SSBP2: variants seen among roughly 807,000 people sequenced by gnomAD.
SSBP2 encodes the protein single stranded DNA binding protein 2.
Under a neutral mutation model 61.8 loss-of-function variants are expected in SSBP2, and 17 were observed. That is an observed-to-expected ratio of 0.28 (90% CI 0.19 to 0.41). The LOEUF is 0.41. SSBP2 is among the 10% of genes least tolerant of loss of function. The pLI is 1.00. For synonymous variants in SSBP2, 139 were observed against 141.3 expected (o/e 0.98, Z 0.12); for missense variants, 310 against 458.7 (o/e 0.68, Z 2.96).
intron 1 of SSBP2, among the ~76,000 whole-genome samples, chr5:81,650,935 GATCAT>G (rs1162514984): frequency 7.9e-5 from 12 of 152,036 alleles, no homozygotes; most frequent in Non-Finnish European, 1.5e-5. Flanking sequence ...AAAGATATCA[GATCAT>G]ATTAAGCATA....
chr5:81,508,442 C>G (rs1373400013), intron 5 of SSBP2, among the ~76,000 whole-genome samples: 3 of 152,110 alleles, frequency 2.0e-5, no homozygotes, highest in Non-Finnish European at 4.4e-5. Flanking sequence ...CCTCCTTTTG[C>G]ATGTCCGACT....
intron 3 of SSBP2, among the ~76,000 whole-genome samples, chr5:81,634,627 CTT>C (rs759541483): frequency 6.6e-6 from 1 of 152,220 alleles, no homozygotes; most frequent in Non-Finnish European, 1.5e-5. Flanking sequence ...ATTGTATTCT[CTT>C]TATATTTCAA....
intron 5 of SSBP2, among the ~76,000 whole-genome samples, chr5:81,499,907 C>CA (rs1767569411): frequency 6.6e-6 from 1 of 152,048 alleles, no homozygotes; most frequent in African/African-American, 2.4e-5. Flanking sequence ...TGTAACACTG[C>CA]AAAAAAGCAT....
intron 1 of SSBP2, among the ~76,000 whole-genome samples, chr5:81,656,901 G>GT (rs563052237): frequency 1.4e-4 from 21 of 149,326 alleles, no homozygotes; most frequent in South Asian, 2.1e-4. Context: ...AAAGTCATAA[G>GT]TTTTTTTTTT....
chr5:81,473,914 T>C, intron 7 of SSBP2, 144 bp from the exon 8 acceptor site: 1 of 704,728 alleles, frequency 1.4e-6, no homozygotes, highest in East Asian at 2.7e-5. Flanking sequence ...TCCAGACCAC[T>C]TTTCCACCTC....
intron 6 of SSBP2, among the ~76,000 whole-genome samples, chr5:81,486,084 T>C (rs1766359362): frequency 6.6e-6 from 1 of 152,182 alleles, no homozygotes; most frequent in Admixed American, 6.6e-5. Context: ...GTGTGTGCAC[T>C]GGAGTGGTGG....
chr5:81,680,313 T>C lies in SSBP2; in HGVS notation c.63-29974A>G, dbSNP rs969094985. The stretch of plus-strand genomic sequence containing the variant: ...ATATGTGTATATTATATATAATATA[T>C]AATTATGTTATAATATATAATTTAT... On this transcript the variant is annotated intron_variant, in intron 1 of 16. Transcript: ENST00000320672. Among the ~76,000 whole-genome samples the C allele has an allele frequency of 3.4e-5, 5 of 148,176 alleles. 1 individual carries two copies. The highest frequency in any genetic ancestry group is 9.8e-5 in the African/African-American group (4 of 40,842).
At chr5:81,564,884 C>T (rs1210753859) in intron 4 of SSBP2, among the ~76,000 whole-genome samples, 5 of 152,282 alleles carry the variant, frequency 3.3e-5, no homozygotes, top group East Asian at 1.9e-4. Flanking sequence ...GTTAAAAAAC[C>T]GCTTGCCAGC....
At chr5:81,636,749 C>T (rs1261660685) in intron 2 of SSBP2, 131 bp from the exon 3 acceptor site, 1 of 801,580 alleles carries the variant, frequency 1.2e-6, no homozygotes, top group African/African-American at 1.7e-5. Context: ...ATATTTTTTA[C>T]CCAAGTTTTG....
chr5:81,594,492 C>T (rs1743498600), intron 4 of SSBP2, among the ~76,000 whole-genome samples: 1 of 152,176 alleles, frequency 6.6e-6, no homozygotes, highest in African/African-American at 2.4e-5. Context: ...CCAAGCGGAC[C>T]TAACAGACAT....
In SSBP2 at chr5:81,663,425, GA is replaced by G. The variant is rs558792479; in HGVS notation, c.63-13087del. 3.1e-3 allele frequency among the ~76,000 whole-genome samples: 473 copies of G among 152,142 alleles called. 2 individuals carry two copies. The highest frequency in any genetic ancestry group is 0.011 in the African/African-American group (452 of 41,464). On this transcript the variant is annotated intron_variant, in intron 1 of 16. Coordinates refer to ENST00000320672, the MANE Select transcript of SSBP2 (RefSeq NM_012446.5). ...AAAGTAGATATGACTTTGTATCACA[GA>G]AAAGATTTTTTAACTTTGTGAACAG...
intron 1 of SSBP2, among the ~76,000 whole-genome samples, chr5:81,680,541 A>G (rs1459410275): frequency 6.6e-6 from 1 of 151,906 alleles, no homozygotes; most frequent in African/African-American, 2.4e-5. Context: ...TATAAAAGAC[A>G]CCCATAGTTT....
At chr5:81,537,259 T>C (rs953308650) in intron 4 of SSBP2, among the ~76,000 whole-genome samples, 2 of 152,116 alleles carry the variant, frequency 1.3e-5, no homozygotes, top group Admixed American at 1.3e-4. Flanking sequence ...TCTTCTTAAC[T>C]ACTGATGACC....
intron 1 of SSBP2, chr5:81,750,742 C>G (rs1757706862): frequency 1.8e-6 from 1 of 563,370 alleles, no homozygotes; most frequent in South Asian, 2.1e-5. Context: ...ACCGCCGCCC[C>G]TCAACACACC....
chr5:81,593,004 G>A (rs1395574466), intron 4 of SSBP2, among the ~76,000 whole-genome samples: 2 of 152,178 alleles, frequency 1.3e-5, no homozygotes, highest in East Asian at 1.9e-4. Context: ...TGACTTTGAC[G>A]AGTTGAGAGA....
intron 13 of SSBP2, among the ~76,000 whole-genome samples, chr5:81,441,887 T>C (rs576848142): frequency 2.1e-4 from 32 of 152,204 alleles, no homozygotes; most frequent in Non-Finnish European, 3.5e-4. Context: ...AGTTTAGATA[T>C]GGGTTGAAAA....
chr5:81,592,295 C>T (rs1775580810), intron 4 of SSBP2, among the ~76,000 whole-genome samples: 2 of 152,248 alleles, frequency 1.3e-5, no homozygotes, highest in South Asian at 4.1e-4. Flanking sequence ...GGAGGGGCGC[C>T]TGCCATTGCC....
At chr5:81,627,557 G>T (rs929187034) in intron 3 of SSBP2, among the ~76,000 whole-genome samples, 2 of 152,134 alleles carry the variant, frequency 1.3e-5, no homozygotes, top group Non-Finnish European at 2.9e-5. Context: ...AGCTATACCT[G>T]ATATTATTCA....
At chr5:81,599,313 A>G (rs1238741968) in intron 4 of SSBP2, among the ~76,000 whole-genome samples, 5 of 152,244 alleles carry the variant, frequency 3.3e-5, no homozygotes, top group African/African-American at 1.2e-4. Flanking sequence ...CAGCTCTGAA[A>G]AGAGCAAGTT....
Sources: allele counts gnomAD v4.1 joint callset (sites outside exome capture counted in the v4.1 genomes callset), GRCh38; gene constraint gnomAD v4.1.1; transcripts MANE v1.5; gene names NCBI Gene and HGNC (gene_info 2026-07-23, HGNC 2026-07-21).